ARRDC3: variants seen among roughly 807,000 people sequenced by gnomAD.
The protein encoded by ARRDC3 is arrestin domain-containing protein 3.
Under a neutral mutation model 47.2 loss-of-function variants are expected in ARRDC3, and 10 were observed. The ratio of observed to expected loss-of-function variants is 0.21; its 90% confidence interval spans 0.13 to 0.36. The LOEUF is 0.36. Among genes scored for constraint, ARRDC3 ranks in the 10% least tolerant of loss-of-function variants. ARRDC3 has a pLI of 1.00. For missense variants in ARRDC3, 381 were observed against 503.6 expected (o/e 0.76, Z 2.33); for synonymous variants, 156 against 178.3 (o/e 0.87, Z 1.00).
Position 91,376,651 on chromosome 5 carries a change from C to T in ARRDC3, c.480G>A (p.Glu160=). The stretch of plus-strand genomic sequence containing the variant: ...ATGAAGGAGTGTTGATATCTATATG[C>T]TCAAAGACTGTAAATTCCTTCTTTA... ...VKLKKEFTVF[E]HIDINTPSLL... Residue 160 remains glutamate, a synonymous_variant, in exon 3 of 8, where the codon GAG becomes GAA. Transcript: ENST00000265138. The T allele has an allele frequency of 6.2e-7, 1 of 1,612,582 alleles. No homozygotes were observed. Among genetic ancestry groups the T allele is most frequent in the Non-Finnish European group, 8.5e-7 (1 of 1,178,762 alleles).
At chr5:91,379,346 A>G (rs1799384178) in intron 1 of ARRDC3, among the ~76,000 whole-genome samples, 1 of 151,568 alleles carries the variant, frequency 6.6e-6, no homozygotes, top group African/African-American at 2.4e-5. Flanking sequence ...ATTTATAACT[A>G]AAAATAATTA....
intron 2 of ARRDC3, 33 bp downstream of exon 2, chr5:91,378,661 T>C: frequency 1.8e-6 from 2 of 1,140,308 alleles, no homozygotes; most frequent in Non-Finnish European, 2.6e-6. Flanking sequence ...ATCATAAGTA[T>C]CTATAAAAAT....
rs1027370297 is a variant in ARRDC3, at chr5:91,370,121, C to T, written c.*1279G>A. The T allele has an allele frequency of 2.0e-5, 3 of 152,248 alleles. No individual in the cohort carries two copies. In the South Asian group the frequency reaches 6.2e-4, roughly 32 times the overall value. The allele number at this position is 152,248 out of a possible 1,614,324, so 9.4% of individuals were successfully genotyped here. A position where few individuals can be genotyped will look rare whatever the true frequency, so the allele number is the denominator to read the frequency against. Reference sequence around the variant, plus strand: ...CAAGACAGCAAAGGTACAAATTGAGCTCTCTATTCATAACCTCAATGTATG... The same window carrying T: ...CAAGACAGCAAAGGTACAAATTGAGTTCTCTATTCATAACCTCAATGTATG... On this transcript the variant is annotated 3_prime_UTR_variant, in exon 8 of 8. Coordinates refer to ENST00000265138, the MANE Select transcript of ARRDC3 (RefSeq NM_020801.4).
At chr5:91,378,538 C>A (rs1799359169) in intron 2 of ARRDC3, among the ~76,000 whole-genome samples, 156 bp downstream of exon 2, 1 of 151,740 alleles carries the variant, frequency 6.6e-6, no homozygotes, top group African/African-American at 2.4e-5. Flanking sequence ...TAAAAAATAG[C>A]TTCTTATGTT....
chr5:91,374,777 T>C (rs1389950435), intron 5 of ARRDC3, 145 bp downstream of exon 5: 2 of 808,412 alleles, frequency 2.5e-6, no homozygotes, highest in African/African-American at 3.5e-5. Context: ...TCCCAACTAC[T>C]TGGGAGCTGA....
At chr5:91,378,286 A>G (rs1263311988) in intron 2 of ARRDC3, among the ~76,000 whole-genome samples, 2 of 152,112 alleles carry the variant, frequency 1.3e-5, no homozygotes, top group Non-Finnish European at 2.9e-5. Flanking sequence ...ATTGGTTAGT[A>G]TTAGCAGAAA....
At position 91,378,724 on chromosome 5, in the gene ARRDC3, T is replaced by C. The variant is rs1344017504; in HGVS notation, c.332A>G (p.Glu111Gly). The change falls in exon 2 of 8, where the codon GAA (glutamate) becomes GGA (glycine). Residue 111 changes from glutamate to glycine, a missense_variant. By Grantham distance (98) the Glu-to-Gly change is moderately conservative. Coordinates refer to ENST00000265138, the MANE Select transcript of ARRDC3 (RefSeq NM_020801.4). ...TGGAAGCTCGAAGCTGAATGCATAT[T>C]CATGCCTTCCTGAATGAATAGTGTG... ...GFHTIHSGRH[E>G]YAFSFELPQT... The C allele has an allele frequency of 1.2e-6, 2 of 1,600,958 alleles. No individual in the cohort carries two copies. The highest frequency in any genetic ancestry group is 2.7e-5 in the African/African-American group (2 of 74,162).
In ARRDC3 at chr5:91,369,923, A is replaced by AACT. The variant is rs1211167160; in HGVS notation, c.*1476_*1477insAGT. 6.6e-6 allele frequency: 1 copy of AACT among 152,222 alleles called. No homozygotes were observed. Among genetic ancestry groups the AACT allele is most frequent in the Non-Finnish European group, 1.5e-5 (1 of 68,026 alleles). The allele number at this position is 152,222 out of a possible 1,614,324, so 9.4% of individuals were successfully genotyped here. On this transcript the variant is annotated 3_prime_UTR_variant, in exon 8 of 8. Transcript: ENST00000265138. ...CTTCCTATGTAATCTATACATAATC[A>AACT]AAGTGAGTGATTTCTCATGTTTAGC... is the stretch of plus-strand genomic sequence containing the variant.
At chr5:91,380,268 GTC>G (rs1346313576) in intron 1 of ARRDC3, 1 of 152,944 alleles carries the variant, frequency 6.5e-6, no homozygotes, top group Non-Finnish European at 1.5e-5. Flanking sequence ...TACGGCATAC[GTC>G]GCGCGGCGCT....
At chr5:91,379,593 T>C (rs1357007912) in intron 1 of ARRDC3, among the ~76,000 whole-genome samples, 2 of 152,080 alleles carry the variant, frequency 1.3e-5, no homozygotes, top group Non-Finnish European at 2.9e-5. Context: ...TTACAACCAA[T>C]TTTTTTGGTG....
intron 1 of ARRDC3, chr5:91,380,908 G>A (rs1799440686): frequency 6.6e-6 from 1 of 152,310 alleles, no homozygotes; most frequent in African/African-American, 2.4e-5. Context: ...GGCGCCCCCA[G>A]AAGCCCGGGA....
Position 91,383,009 on chromosome 5 carries a change from A to G in ARRDC3, c.84T>C (p.Asp28=). The change falls in exon 1 of 8, where the codon GAT becomes GAC. Residue 28 remains aspartate, a synonymous_variant. Transcript: ENST00000265138. ...CTAAATTTACCCTTCCTGAGACGGT[A>G]TCCCCACTAGAATACACAGGGACAT... ...DSNVPVYSSG[D]TVSGRVNLEV... The G allele has an allele frequency of 6.2e-7, 1 of 1,614,108 alleles. No homozygotes were observed. Among genetic ancestry groups the G allele is most frequent in the Non-Finnish European group, 8.5e-7 (1 of 1,179,982 alleles).
chr5:91,382,722 G>T, intron 1 of ARRDC3, 91 bp downstream of exon 1: 1 of 1,347,802 alleles, frequency 7.4e-7, no homozygotes, highest in Non-Finnish European at 1.0e-6. Context: ...GCTTAGTTAT[G>T]CTAGGAGTAG....
At position 91,375,580 on chromosome 5, in the gene ARRDC3, A is replaced by T; in HGVS notation, c.544T>A (p.Cys182Ser). 1 of 1,610,638 alleles carries T rather than the reference A, an allele frequency of 6.2e-7. No individual in the cohort carries two copies. Among genetic ancestry groups the T allele is most frequent in the Non-Finnish European group, 8.5e-7 (1 of 1,178,020 alleles). The change falls in exon 4 of 8, where the codon TGT (cysteine) becomes AGT (serine). Residue 182 changes from cysteine to serine, a missense_variant. Physicochemically the swap from Cys to Ser is moderately radical, Grantham distance 112 (BLOSUM62 -1). Transcript: ENST00000265138. ...GGGCCTGAGGTACAGAACCAGCAACAGAGTGTCTTTTCTTTTGTGCCTGCT... is the reference window on the plus strand; with the variant it reads ...GGGCCTGAGGTACAGAACCAGCAACTGAGTGTCTTTTCTTTTGTGCCTGCT... ...PQAGTKEKTL[C>S]CWFCTSGPIS...
intron 1 of ARRDC3, among the ~76,000 whole-genome samples, chr5:91,382,098 A>T (rs939642936): frequency 1.3e-5 from 2 of 152,172 alleles, no homozygotes; most frequent in Non-Finnish European, 2.9e-5. Flanking sequence ...GTTTCATTGA[A>T]TGCACGTTCC....
chr5:91,382,778 A>G, intron 1 of ARRDC3, 35 bp downstream of exon 1: 1 of 1,574,910 alleles, frequency 6.3e-7, no homozygotes, highest in East Asian at 2.2e-5. Context: ...TCCAAAGAAA[A>G]TGAGTCCAAT....
rs147788981 is a variant in ARRDC3, at chr5:91,378,745, G to A, written c.311C>T (p.Thr104Ile). The A allele has an allele frequency of 4.9e-5, 78 of 1,599,460 alleles. No homozygotes were observed. The African/African-American group carries it at 9.6e-4, about 20-fold the overall frequency. ...DDDNSEEGFH[T>I]IHSGRHEYAF... ...ATATTCATGCCTTCCTGAATGAATA[G>A]TGTGGAAGCCTTCTTCGGAATTATC... The change falls in exon 2 of 8, where the codon ACT becomes ATT. Residue 104 changes from threonine (T) to isoleucine (I), a missense_variant. Physicochemically the swap from Thr to Ile is moderately conservative, Grantham distance 89. Coordinates refer to ENST00000265138, the MANE Select transcript of ARRDC3 (RefSeq NM_020801.4).
chr5:91,378,856 G>T (rs1268104809), intron 1 of ARRDC3, 81 bp from the exon 2 acceptor site: 8 of 823,962 alleles, frequency 9.7e-6, no homozygotes, highest in Non-Finnish European at 1.1e-5. Context: ...CTTTAAAGAT[G>T]CTTACATAAC....
chr5:91,376,120 T>G (rs62376563), intron 3 of ARRDC3, among the ~76,000 whole-genome samples: 43,561 of 152,106 alleles, frequency 0.29, 7,200 homozygotes, highest in Admixed American at 0.39. Flanking sequence ...AAGTCAAATT[T>G]GAATTATTTT....
Sources: allele counts gnomAD v4.1 joint callset (sites outside exome capture counted in the v4.1 genomes callset), GRCh38; gene constraint gnomAD v4.1.1; transcripts MANE v1.5; gene names NCBI Gene and HGNC (gene_info 2026-07-23, HGNC 2026-07-21).